Variants in GAS7 observed in about 807,000 individuals in gnomAD.
GAS7 encodes the protein growth arrest-specific protein 7.
In GAS7, 28 loss-of-function variants were observed where a neutral mutation model predicts 71.1. The ratio of observed to expected loss-of-function variants is 0.39; its 90% CI spans 0.29 to 0.54. The LOEUF is 0.54. Ranked by LOEUF, GAS7 falls within the 20% of genes least tolerant of loss-of-function variation. The pLI is 0.62. For missense variants in GAS7, 436 were observed against 627.8 expected (o/e 0.69, Z 3.27); for synonymous variants, 258 against 245.8 (o/e 1.05, Z -0.46).
intron 8 of GAS7, among the ~76,000 whole-genome samples, chr17:9,935,893 T>A (rs1462215216): frequency 1.3e-5 from 2 of 152,178 alleles, no homozygotes; most frequent in Non-Finnish European, 2.9e-5. Flanking sequence ...TCTGGGTGGC[T>A]TGGGTGCCCC....
chr17:10,098,301 G>C (rs1016640803), intron 1 of GAS7, among the ~76,000 whole-genome samples: 1 of 152,314 alleles, frequency 6.6e-6, no homozygotes, highest in East Asian at 1.9e-4. Flanking sequence ...GGCTTCCCCA[G>C]CTGCTGCCAA....
chr17:10,148,888 C>T (rs1413742821), intron 1 of GAS7, among the ~76,000 whole-genome samples: 21 of 127,212 alleles, frequency 1.7e-4, no homozygotes, highest in Admixed American at 1.5e-3. Context: ...CCAACCTGGG[C>T]GACAGAGAAA....
At chr17:10,061,533 C>T (rs547743400) in intron 1 of GAS7, among the ~76,000 whole-genome samples, 4 of 152,364 alleles carry the variant, frequency 2.6e-5, no homozygotes, top group Non-Finnish European at 4.4e-5. Context: ...AATCCTGCTT[C>T]GGCTGACATT....
At chr17:10,143,891 CAGTT>C (rs1176656407) in intron 1 of GAS7, among the ~76,000 whole-genome samples, 2 of 152,192 alleles carry the variant, frequency 1.3e-5, no homozygotes. Flanking sequence ...GAGGGTGTCA[CAGTT>C]AGTGCCAAGC....
chr17:9,921,555 G>A (rs1330647608), intron 11 of GAS7, among the ~76,000 whole-genome samples: 1 of 152,178 alleles, frequency 6.6e-6, no homozygotes, highest in Non-Finnish European at 1.5e-5. Context: ...CCACAGCATT[G>A]GGAAACAGAG....
chr17:10,047,250 G>A (rs1208879934), intron 1 of GAS7, among the ~76,000 whole-genome samples: 1 of 152,196 alleles, frequency 6.6e-6, no homozygotes, highest in African/African-American at 2.4e-5. Context: ...ATTGAGAAGA[G>A]ACCCCAGGAA....
At chr17:10,044,233 C>T (rs1316386758) in intron 1 of GAS7, among the ~76,000 whole-genome samples, 2 of 152,134 alleles carry the variant, frequency 1.3e-5, no homozygotes, top group Admixed American at 1.3e-4. Flanking sequence ...ATACATAGAA[C>T]AGTGAGGGCT....
At chr17:10,166,410 C>T (rs1340566670) in intron 1 of GAS7, among the ~76,000 whole-genome samples, 1 of 152,240 alleles carries the variant, frequency 6.6e-6, no homozygotes, top group Non-Finnish European at 1.5e-5. Context: ...ATTTGATAAA[C>T]AGGCATCAGA....
At chr17:10,167,703 A>G (rs1205982552) in intron 1 of GAS7, among the ~76,000 whole-genome samples, 2 of 151,734 alleles carry the variant, frequency 1.3e-5, no homozygotes, top group African/African-American at 2.4e-5. Context: ...CAGGGTCTCA[A>G]TATGTTTTGT....
intron 1 of GAS7, among the ~76,000 whole-genome samples, chr17:10,181,227 G>C (rs967532459): frequency 2.0e-5 from 3 of 151,914 alleles, no homozygotes; most frequent in South Asian, 4.2e-4. Context: ...GGGCGTGGTG[G>C]TGCATGCCTG....
At chr17:9,933,103 C>T (rs1479340620) in intron 9 of GAS7, among the ~76,000 whole-genome samples, 6 of 152,184 alleles carry the variant, frequency 3.9e-5, no homozygotes, top group South Asian at 2.1e-4. Flanking sequence ...ACCCGGGAGG[C>T]GGAGCTTGCA....
intron 9 of GAS7, among the ~76,000 whole-genome samples, chr17:9,929,967 CTT>C (rs1348926010): frequency 6.6e-6 from 1 of 152,200 alleles, no homozygotes; most frequent in African/African-American, 2.4e-5. Context: ...CTCTCGCTCT[CTT>C]TGCTTCCTTT....
At chr17:10,115,464 G>A (rs2073852578) in intron 1 of GAS7, among the ~76,000 whole-genome samples, 1 of 152,214 alleles carries the variant, frequency 6.6e-6, no homozygotes, top group Non-Finnish European at 1.5e-5. Flanking sequence ...CCCCAGAGAA[G>A]ACAGCAGAAA....
At chr17:10,152,670 C>T (rs547191948) in intron 1 of GAS7, among the ~76,000 whole-genome samples, 30 of 152,266 alleles carry the variant, frequency 2.0e-4, no homozygotes, top group African/African-American at 6.3e-4. Context: ...GAGGAGGAGA[C>T]GCAGCCTTCA....
intron 1 of GAS7, among the ~76,000 whole-genome samples, chr17:10,102,265 C>T (rs1208689866): frequency 6.8e-6 from 1 of 147,766 alleles, no homozygotes; most frequent in Non-Finnish European, 1.5e-5. Context: ...TGAGATTCAG[C>T]CTTCTAATTC....
Position 10,198,116 on chromosome 17 carries a change from G to A in GAS7, c.183+92C>T, listed in dbSNP as rs1447640596. ...CCCCCCGGGGCGCCCCTCCGACCGGGACGCTGCGGCATCCCCGGAACGGGC... is the reference window on the plus strand; with the variant it reads ...CCCCCCGGGGCGCCCCTCCGACCGGAACGCTGCGGCATCCCCGGAACGGGC... On this transcript the variant is annotated intron_variant, in intron 1 of 13. Transcript: ENST00000432992. 2.3e-6 allele frequency: 3 copies of A among 1,286,588 alleles called. No individual in the cohort carries two copies. The Admixed American group carries it at 5.7e-5, about 24-fold the overall frequency. 79.7% of individuals were successfully genotyped at this position (1,286,588 alleles called of 1,614,324 possible).
At chr17:10,094,272 A>G (rs1448171690) in intron 1 of GAS7, among the ~76,000 whole-genome samples, 2 of 152,146 alleles carry the variant, frequency 1.3e-5, no homozygotes, top group East Asian at 3.9e-4. Context: ...AACACCTGGT[A>G]TCTCCCTGAA....
rs61585645 is a variant in GAS7 at position 9,994,341 on chromosome 17, C to T, written c.305-12457G>A. On this transcript the variant is annotated intron_variant, in intron 2 of 13. Transcript: ENST00000432992. ...CTGGTACCAAAACAGAGATATAGAT[C>T]AATGGAACAGAACAGAGCCCTCAGA... Among the ~76,000 whole-genome samples, 1,208 of 147,650 alleles carry T rather than the reference C, an allele frequency of 8.2e-3. 18 individuals carry two copies. The highest frequency in any genetic ancestry group is 0.028 in the African/African-American group (1,121 of 39,760).
intron 9 of GAS7, among the ~76,000 whole-genome samples, chr17:9,928,767 GGGGCCCC>G (rs2068103679): frequency 3.3e-5 from 5 of 152,226 alleles, no homozygotes; most frequent in African/African-American, 1.2e-4. Flanking sequence ...CAAGCGGGCA[GGGGCCCC>G]ATCTGGGTTG....
Sources: gnomAD v4.1 joint callset for allele counts (sites outside exome capture counted in the v4.1 genomes callset) on GRCh38, gnomAD v4.1.1 for gene constraint, MANE v1.5 for transcripts, NCBI Gene and HGNC (gene_info 2026-07-23, HGNC 2026-07-21) for gene names.